The following MACROD2 variants were observed in gnomAD, a reference collection of about 807,000 sequenced individuals.
MACROD2 encodes ADP-ribose glycohydrolase MACROD2.
Under a neutral mutation model 70.4 loss-of-function variants are expected in MACROD2, and 36 were observed. The observed-to-expected ratio is 0.51, with a 90% CI of 0.39 to 0.68. MACROD2 has a LOEUF of 0.68. Ranked by LOEUF, MACROD2 falls within the 30% of genes least tolerant of loss-of-function variation. MACROD2 has a pLI of 0.00. For synonymous variants in MACROD2, 172 were observed against 178.8 expected (o/e 0.96, Z 0.30); for missense variants, 496 against 538.4 (o/e 0.92, Z 0.78).
chr20:15,254,942 T>A (rs1013550805), intron 6 of MACROD2, among the ~76,000 whole-genome samples: 1 of 148,202 alleles, frequency 6.7e-6, no homozygotes, highest in African/African-American at 2.5e-5. Flanking sequence ...TTTTTTTTTT[T>A]TTTTTTTTTT....
At chr20:14,756,329 C>T (rs1046332371) in intron 5 of MACROD2, among the ~76,000 whole-genome samples, 5 of 152,006 alleles carry the variant, frequency 3.3e-5, no homozygotes, top group Admixed American at 3.3e-4. Flanking sequence ...ATTGTCTGAC[C>T]ACTTTTCTAA....
intron 5 of MACROD2, among the ~76,000 whole-genome samples, chr20:14,901,990 T>G (rs1238262624): frequency 3.9e-5 from 6 of 152,172 alleles, no homozygotes; most frequent in Admixed American, 3.9e-4. Context: ...ATTTATACAG[T>G]GGAACTTACT....
chr20:15,963,064 C>T (rs960056024), intron 12 of MACROD2, among the ~76,000 whole-genome samples: 5 of 152,132 alleles, frequency 3.3e-5, no homozygotes, highest in Admixed American at 3.3e-4. Context: ...ATTACTTTGT[C>T]CTAATTGCTC....
At chr20:15,002,628 C>T (rs1337217910) in intron 5 of MACROD2, among the ~76,000 whole-genome samples, 1 of 152,114 alleles carries the variant, frequency 6.6e-6, no homozygotes, top group African/African-American at 2.4e-5. Context: ...GGTGCAGACT[C>T]AAATTCCTAT....
chr20:14,673,379 C>T (rs768378150), intron 4 of MACROD2, among the ~76,000 whole-genome samples: 1 of 152,190 alleles, frequency 6.6e-6, no homozygotes, highest in Admixed American at 6.5e-5. Context: ...TCAAAGTTCT[C>T]AGTTGGCAGT....
intron 3 of MACROD2, among the ~76,000 whole-genome samples, chr20:14,226,792 C>A (rs2081740240): frequency 6.6e-6 from 1 of 152,254 alleles, no homozygotes; most frequent in Non-Finnish European, 1.5e-5. Flanking sequence ...GCCTCCCACC[C>A]ACTCCGTGGG....
chr20:15,778,806 A>G (rs555686332), intron 8 of MACROD2, among the ~76,000 whole-genome samples: 42 of 152,202 alleles, frequency 2.8e-4, no homozygotes, highest in African/African-American at 9.6e-4. Context: ...TATCTTCAAC[A>G]AGCACTTCCA....
chr20:14,675,179 A>G (rs1430123285), intron 4 of MACROD2, among the ~76,000 whole-genome samples: 4 of 152,212 alleles, frequency 2.6e-5, no homozygotes, highest in Non-Finnish European at 5.9e-5. Context: ...ACAGGCCAAC[A>G]TTCAAATTCA....
chr20:15,458,554 C>T (rs2046761625), intron 7 of MACROD2, among the ~76,000 whole-genome samples: 1 of 151,276 alleles, frequency 6.6e-6, no homozygotes, highest in African/African-American at 2.4e-5. Context: ...AATCAGAGAA[C>T]AGCCCTAAGC....
chr20:14,809,646 G>T (rs1039162356), intron 5 of MACROD2, among the ~76,000 whole-genome samples: 1 of 151,874 alleles, frequency 6.6e-6, no homozygotes, highest in Non-Finnish European at 1.5e-5. Context: ...ATGAATCCAG[G>T]AGCTCATTTT....
chr20:14,096,037 C>A (rs1289539291), intron 3 of MACROD2, among the ~76,000 whole-genome samples: 1 of 152,046 alleles, frequency 6.6e-6, no homozygotes, highest in Non-Finnish European at 1.5e-5. Context: ...TAGGACAGAA[C>A]GTATTTACAA....
At chr20:14,829,156 G>A (rs2072935587) in intron 5 of MACROD2, among the ~76,000 whole-genome samples, 1 of 135,118 alleles carries the variant, frequency 7.4e-6, no homozygotes, top group Admixed American at 7.7e-5. Context: ...TTGAGACAGA[G>A]TCTCACTCTG....
rs73597723 is a variant in MACROD2 at position 15,949,250 on chromosome 20, C to G, written c.907+11706C>G. The stretch of plus-strand genomic sequence containing the variant: ...ATTTAAAGTGCTTACAGCAGCTTCT[C>G]AAACATAGTAAACTTTGAGTTGGCA... On this transcript the variant is annotated intron_variant, in intron 12 of 17. Transcript: ENST00000684519. 2.2e-3 allele frequency among the ~76,000 whole-genome samples: 331 copies of G among 152,290 alleles called. 1 individual carries two copies. In the South Asian group the frequency reaches 0.023, roughly 11 times the overall value.
At chr20:14,173,782 T>A (rs2081242203) in intron 3 of MACROD2, among the ~76,000 whole-genome samples, 2 of 152,164 alleles carry the variant, frequency 1.3e-5, no homozygotes, top group Admixed American at 1.3e-4. Flanking sequence ...CAAGGGCTGC[T>A]GTTCAGATTC....
intron 8 of MACROD2, among the ~76,000 whole-genome samples, chr20:15,766,986 C>T (rs1340604519): frequency 6.6e-6 from 1 of 152,128 alleles, no homozygotes. Context: ...TGCTATCGTC[C>T]CACTGACCAA....
At chr20:15,084,066 T>TTTTTG (rs34435665) in intron 5 of MACROD2, among the ~76,000 whole-genome samples, 12 of 68,398 alleles carry the variant, frequency 1.8e-4, no homozygotes, top group African/African-American at 3.0e-4. Flanking sequence ...TAGGTTTTTT[T>TTTTTG]TTTTTGTTTT....
At chr20:14,870,352 A>G (rs1358306856) in intron 5 of MACROD2, among the ~76,000 whole-genome samples, 1 of 152,148 alleles carries the variant, frequency 6.6e-6, no homozygotes, top group Non-Finnish European at 1.5e-5. Context: ...ATTGATGGGT[A>G]TCTAGGTTGA....
chr20:14,632,798 T>A (rs937485339), intron 4 of MACROD2, among the ~76,000 whole-genome samples: 2 of 152,240 alleles, frequency 1.3e-5, no homozygotes, highest in Admixed American at 6.5e-5. Flanking sequence ...TATGATAATA[T>A]TTTAATGTAA....
chr20:14,511,976 A>G (rs1316932677), intron 4 of MACROD2, among the ~76,000 whole-genome samples: 3 of 151,210 alleles, frequency 2.0e-5, no homozygotes, highest in Non-Finnish European at 4.4e-5. Context: ...GGAGGGGGAA[A>G]AATGAGGATT....
Sources: gnomAD v4.1 joint callset for allele counts (sites outside exome capture counted in the v4.1 genomes callset) on GRCh38, gnomAD v4.1.1 for gene constraint, MANE v1.5 for transcripts, NCBI Gene and HGNC (gene_info 2026-07-23, HGNC 2026-07-21) for gene names.